The following NWD1 variants were observed in gnomAD, a reference collection of about 807,000 sequenced individuals.
NWD1 encodes NACHT and WD repeat domain containing 1, also known as NACHT domain- and WD repeat-containing protein 1.
Under a neutral mutation model 135.1 loss-of-function variants are expected in NWD1, and 129 were observed. That is an observed-to-expected ratio of 0.96 (90% CI 0.83 to 1.11). The LOEUF (loss-of-function observed/expected upper bound fraction) is 1.11. NWD1 is among the 50% of genes least tolerant of loss of function. The pLI, the probability that NWD1 is intolerant of heterozygous loss-of-function variation, is 0.00. For synonymous variants in NWD1, 773 were observed against 786.0 expected (o/e 0.98, Z 0.28); for missense variants, 1,740 against 1,851.3 (o/e 0.94, Z 1.10).
chr19:16,787,243 C>G (rs1970069304), intron 12 of NWD1, among the ~76,000 whole-genome samples: 1 of 152,114 alleles, frequency 6.6e-6, no homozygotes, highest in Non-Finnish European at 1.5e-5. Context: ...CCTCCCACCT[C>G]AGCTTCCCGA....
intron 18 of NWD1, among the ~76,000 whole-genome samples, chr19:16,809,113 G>A (rs1970843595): frequency 6.7e-6 from 1 of 150,254 alleles, no homozygotes; most frequent in Non-Finnish European, 1.5e-5. Context: ...TTTTTGAGAT[G>A]GAGTCTTGCT....
At chr19:16,746,382 C>A (rs1968316901) in intron 5 of NWD1, among the ~76,000 whole-genome samples, 1 of 151,044 alleles carries the variant, frequency 6.6e-6, no homozygotes, top group African/African-American at 2.4e-5. Context: ...AAAGAAACAA[C>A]ATAAACAGTT....
intron 2 of NWD1, among the ~76,000 whole-genome samples, chr19:16,725,164 C>T (rs762374318): frequency 6.6e-6 from 1 of 151,526 alleles, no homozygotes; most frequent in Admixed American, 6.6e-5. Flanking sequence ...CAGGCGTGCA[C>T]CACCATGGCC....
rs766571456 is a variant in NWD1, at chr19:16,749,715, T to C, written c.1073T>C (p.Met358Thr). The change falls in exon 6 of 19, where the codon ATG becomes ACG. Residue 358 changes from methionine (M) to threonine (T), a missense_variant. Met to Thr is a moderately conservative substitution (Grantham distance 81). Coordinates refer to ENST00000524140, the MANE Select transcript of NWD1 (RefSeq NM_001007525.5). ...TALMCKLAEQ[M>T]PRLLGHKTVT... is the part of the protein sequence containing the mutation. ...CTGATGTGCAAGCTGGCTGAGCAGATGCCAAGGCTGCTGGGGCACAAGACA... is the reference window on the plus strand; with the variant it reads ...CTGATGTGCAAGCTGGCTGAGCAGACGCCAAGGCTGCTGGGGCACAAGACA... 46 of 1,604,408 alleles carry C rather than the reference T, an allele frequency of 2.9e-5. No individual in the cohort carries two copies. The Admixed American group carries it at 7.3e-4, about 25-fold the overall frequency.
intron 2 of NWD1, among the ~76,000 whole-genome samples, chr19:16,725,515 C>T (rs989843736): frequency 4.0e-5 from 6 of 151,858 alleles, no homozygotes; most frequent in South Asian, 2.1e-4. Flanking sequence ...AGATAACTAG[C>T]TAGAGTTTAT....
intron 12 of NWD1, among the ~76,000 whole-genome samples, chr19:16,783,702 A>G (rs1969942156): frequency 6.6e-6 from 1 of 150,586 alleles, no homozygotes; most frequent in Admixed American, 6.6e-5. Flanking sequence ...AAAAATAAAT[A>G]AAAATAAAAT....
At chr19:16,792,321 C>T (rs1970275363) in intron 14 of NWD1, among the ~76,000 whole-genome samples, 1 of 151,686 alleles carries the variant, frequency 6.6e-6, no homozygotes, top group African/African-American at 2.4e-5. Context: ...GGGGGTGGAT[C>T]ATTTGAGGTC....
intron 10 of NWD1, among the ~76,000 whole-genome samples, chr19:16,765,701 G>A (rs1969197147): frequency 6.6e-6 from 1 of 152,024 alleles, no homozygotes; most frequent in Non-Finnish European, 1.5e-5. Context: ...GGCCCATCCT[G>A]TTGCCCTGGA....
chr19:16,776,039 A>G (rs1969588245), intron 11 of NWD1, among the ~76,000 whole-genome samples: 1 of 152,140 alleles, frequency 6.6e-6, no homozygotes, highest in Non-Finnish European at 1.5e-5. Context: ...TTTATTACTA[A>G]AGGTGAGATG....
At chr19:16,765,296 C>T in intron 10 of NWD1, 104 bp downstream of exon 10, 3 of 1,103,288 alleles carry the variant, frequency 2.7e-6, no homozygotes, top group Non-Finnish European at 3.8e-6. Flanking sequence ...AATTCTCATA[C>T]CTTTCCTGTC....
chr19:16,809,904 G>T (rs1655405184), intron 18 of NWD1, among the ~76,000 whole-genome samples: 1 of 151,956 alleles, frequency 6.6e-6, no homozygotes, highest in South Asian at 2.1e-4. Context: ...AAAAACCTCT[G>T]CCAGGACCCC....
chr19:16,795,391 G>A (rs899305909), intron 15 of NWD1, among the ~76,000 whole-genome samples: 1 of 152,130 alleles, frequency 6.6e-6, no homozygotes, highest in African/African-American at 2.4e-5. Flanking sequence ...AGCCCCAGAG[G>A]GGGTGTTACA....
intron 6 of NWD1, 69 bp from the exon 7 acceptor site, chr19:16,759,156 T>A: frequency 7.4e-7 from 1 of 1,358,444 alleles, no homozygotes; most frequent in Non-Finnish European, 1.1e-6. Context: ...CTCCCTCTCT[T>A]GGATTCTGCA....
intron 11 of NWD1, among the ~76,000 whole-genome samples, chr19:16,778,501 T>C (rs1368486021): frequency 7.2e-6 from 1 of 138,682 alleles, no homozygotes; most frequent in East Asian, 1.9e-4. Flanking sequence ...CTTCTTTTTT[T>C]TTTTTTTGTT....
chr19:16,743,364 C>T lies in NWD1; in HGVS notation c.199-1057C>T, dbSNP rs377513422. ...TACCTGAGACTACAGATGCACACCC[C>T]CACACCCTGATAATTTTTAATTTTT... is the stretch of plus-strand genomic sequence containing the variant. On this transcript the variant is annotated intron_variant, in intron 4 of 18. Coordinates refer to ENST00000524140, the MANE Select transcript of NWD1 (RefSeq NM_001007525.5). Among the ~76,000 whole-genome samples, 53 of 152,208 alleles carry T rather than the reference C, an allele frequency of 3.5e-4. 1 individual carries two copies. The highest frequency in any genetic ancestry group is 1.2e-3 in the African/African-American group (51 of 41,534).
intron 18 of NWD1, among the ~76,000 whole-genome samples, chr19:16,808,570 A>G (rs1970828007): frequency 6.6e-6 from 1 of 151,894 alleles, no homozygotes; most frequent in African/African-American, 2.4e-5. Flanking sequence ...AAAAGAAAAG[A>G]AAAGTGAGGC....
chr19:16,731,945 G>A (rs538834437), intron 3 of NWD1, among the ~76,000 whole-genome samples: 7 of 151,870 alleles, frequency 4.6e-5, no homozygotes, highest in Non-Finnish European at 8.8e-5. Context: ...GACTGGGCGC[G>A]GTGGCTGACA....
chr19:16,748,066 CT>C (rs1968397292), intron 5 of NWD1, among the ~76,000 whole-genome samples: 2 of 152,190 alleles, frequency 1.3e-5, no homozygotes, highest in African/African-American at 2.4e-5. Context: ...TCACTGCAAC[CT>C]TTGCCTCCCG....
intron 2 of NWD1, among the ~76,000 whole-genome samples, chr19:16,728,166 A>G (rs1030058610): frequency 1.3e-5 from 2 of 152,172 alleles, no homozygotes; most frequent in Non-Finnish European, 2.9e-5. Flanking sequence ...TGGCAACTTG[A>G]TATTAACCAG....
Sources: gnomAD v4.1 joint callset for allele counts (sites outside exome capture counted in the v4.1 genomes callset) on GRCh38, gnomAD v4.1.1 for gene constraint, MANE v1.5 for transcripts, NCBI Gene and HGNC (gene_info 2026-07-23, HGNC 2026-07-21) for gene names.